The following DGKI variants were observed in gnomAD, a reference collection of about 807,000 sequenced individuals.
DGKI encodes the protein diacylglycerol kinase iota.
In DGKI, 55 loss-of-function variants were observed where a neutral mutation model predicts 147.5. That is an observed-to-expected ratio of 0.37 (90% confidence interval 0.30 to 0.47). DGKI has a LOEUF of 0.47. Among genes scored for constraint, DGKI ranks in the 20% least tolerant of loss-of-function variants. The probability of loss-of-function intolerance (pLI) is 1.00; values close to 1 mark genes in which losing one functional copy is unlikely to be tolerated. For missense variants in DGKI, 1,007 were observed against 1,323.8 expected, an observed-to-expected ratio of 0.76 and a Z score of 3.71; for synonymous variants, 469 against 477.1, an observed-to-expected ratio of 0.98 and a Z score of 0.22.
chr7:137,628,241 C>T lies in DGKI; in HGVS notation c.805-4687G>A, dbSNP rs547083107. Among the ~76,000 whole-genome samples, 24 of 152,210 alleles carry T rather than the reference C, an allele frequency of 1.6e-4. No individual in the cohort carries two copies. In the East Asian group the frequency reaches 2.3e-3, roughly 15 times the overall value. On this transcript the variant is annotated intron_variant, in intron 6 of 32. Transcript: ENST00000614521. The stretch of plus-strand genomic sequence containing the variant: ...TACACTGTGGTACTAACAGCCAGAC[C>T]GATACTAGAAACAAACAATAAGGCC...
intron 32 of DGKI, among the ~76,000 whole-genome samples, chr7:137,394,454 T>C (rs1811475787): frequency 6.6e-6 from 1 of 152,150 alleles, no homozygotes; most frequent in African/African-American, 2.4e-5. Context: ...TCTTTCTCTC[T>C]CTTCTTTCTT....
chr7:137,676,338 T>C (rs1235390207), intron 3 of DGKI, among the ~76,000 whole-genome samples: 2 of 152,228 alleles, frequency 1.3e-5, no homozygotes, highest in Non-Finnish European at 2.9e-5. Context: ...CTATTGGCAA[T>C]TGGTAGTTCT....
intron 30 of DGKI, among the ~76,000 whole-genome samples, chr7:137,405,534 G>A (rs907867433): frequency 1.3e-5 from 2 of 152,198 alleles, no homozygotes; most frequent in East Asian, 1.9e-4. Flanking sequence ...TGCAGAGACC[G>A]GGACATAAGG....
rs904010842 is a variant in DGKI at position 137,577,371 on chromosome 7, T to C, written c.1699-87A>G. 8.5e-6 allele frequency: 8 copies of C among 941,554 alleles called. No individual in the cohort carries two copies. In the South Asian group the frequency reaches 9.0e-5, roughly 11 times the overall value. 58.3% of individuals were successfully genotyped at this position (941,554 alleles called of 1,614,324 possible). On this transcript the variant is annotated intron_variant, in intron 16 of 32. Transcript: ENST00000614521. ...CTTCCATATCCTAGATTCCAAGGAT[T>C]CCAAAGTATGCAAAAATTCTAAACA...
At chr7:137,732,498 C>T (rs1048816406) in intron 1 of DGKI, among the ~76,000 whole-genome samples, 1 of 152,096 alleles carries the variant, frequency 6.6e-6, no homozygotes, top group Non-Finnish European at 1.5e-5. Flanking sequence ...GCAGCCCTAA[C>T]TGCCCTAAAC....
intron 1 of DGKI, among the ~76,000 whole-genome samples, chr7:137,793,056 T>C (rs1796906319): frequency 6.6e-6 from 1 of 152,270 alleles, no homozygotes; most frequent in Admixed American, 6.5e-5. Flanking sequence ...ATTATTGCTA[T>C]TGCATCAGAT....
intron 1 of DGKI, among the ~76,000 whole-genome samples, chr7:137,756,725 T>C (rs1026735917): frequency 1.3e-5 from 2 of 152,070 alleles, no homozygotes; most frequent in Non-Finnish European, 2.9e-5. Flanking sequence ...AAAAAAAAAA[T>C]TAGTTCCAAT....
intron 1 of DGKI, among the ~76,000 whole-genome samples, chr7:137,770,060 C>T (rs1265127438): frequency 6.6e-6 from 1 of 152,184 alleles, no homozygotes; most frequent in Non-Finnish European, 1.5e-5. Flanking sequence ...ATAGCAAAGA[C>T]TTAGAACCTA....
intron 27 of DGKI, among the ~76,000 whole-genome samples, chr7:137,450,723 G>A (rs143030908): frequency 0.012 from 1,793 of 151,312 alleles, 36 homozygotes; most frequent in African/African-American, 0.041. Context: ...ACTCTGTCTC[G>A]AAAAAATAAA....
At chr7:137,550,237 C>T (rs910220183) in intron 20 of DGKI, among the ~76,000 whole-genome samples, 2 of 149,996 alleles carry the variant, frequency 1.3e-5, no homozygotes, top group Non-Finnish European at 3.0e-5. Flanking sequence ...GTGATCTCGG[C>T]TCCATGAAAC....
intron 1 of DGKI, among the ~76,000 whole-genome samples, chr7:137,708,717 CA>C (rs1285235156): frequency 6.6e-6 from 1 of 152,066 alleles, no homozygotes; most frequent in Non-Finnish European, 1.5e-5. Flanking sequence ...AAAAACCAGA[CA>C]ATACATAAGT....
chr7:137,824,980 T>C (rs1463569388), intron 1 of DGKI, among the ~76,000 whole-genome samples: 1 of 152,218 alleles, frequency 6.6e-6, no homozygotes, highest in Non-Finnish European at 1.5e-5. Flanking sequence ...TTAGGTTGAT[T>C]CCATGTCTTT....
In DGKI at chr7:137,770,019, C is replaced by T. The variant is rs180786186; in HGVS notation, c.401+76443G>A. 8.9e-4 allele frequency among the ~76,000 whole-genome samples: 136 copies of T among 152,282 alleles called. 1 individual carries two copies. The highest frequency in any genetic ancestry group is 1.6e-3 in the Non-Finnish European group (112 of 68,036). On this transcript the variant is annotated intron_variant, in intron 1 of 32. Transcript: ENST00000614521. ...AATCATTGTTCTATAAAGACACATG[C>T]GTATGTATGTTTACCGCAGCACTAT...
chr7:137,646,115 A>T (rs1474710369), intron 5 of DGKI, among the ~76,000 whole-genome samples: 1 of 152,226 alleles, frequency 6.6e-6, no homozygotes, highest in Non-Finnish European at 1.5e-5. Context: ...TGAAGGGGAG[A>T]AGCTGAAACA....
At chr7:137,493,795 G>A in intron 21 of DGKI, 2 of 701,992 alleles carry the variant, frequency 2.8e-6, no homozygotes, top group South Asian at 3.0e-5. Flanking sequence ...CCAAATGACT[G>A]CACTAGTTCC....
chr7:137,536,344 C>T (rs1487661142), intron 20 of DGKI, among the ~76,000 whole-genome samples: 1 of 152,118 alleles, frequency 6.6e-6, no homozygotes, highest in Non-Finnish European at 1.5e-5. Context: ...AATTTGATCA[C>T]AGAGCAAGGT....
intron 1 of DGKI, among the ~76,000 whole-genome samples, chr7:137,730,524 C>T (rs996386055): frequency 6.6e-6 from 1 of 152,152 alleles, no homozygotes; most frequent in East Asian, 1.9e-4. Context: ...CTAATCCATC[C>T]TTCCCAAAAT....
intron 30 of DGKI, among the ~76,000 whole-genome samples, chr7:137,406,202 C>T (rs1811941257): frequency 6.6e-6 from 1 of 152,072 alleles, no homozygotes; most frequent in Non-Finnish European, 1.5e-5. Context: ...TAAACCTGAG[C>T]TAAACAAAAA....
chr7:137,713,521 G>A (rs2116577085), intron 1 of DGKI, among the ~76,000 whole-genome samples: 1 of 152,248 alleles, frequency 6.6e-6, no homozygotes, highest in Middle Eastern at 3.4e-3. Context: ...ACTCATGCTA[G>A]CTCTTTATGA....
Sources: gnomAD v4.1 joint callset for allele counts (sites outside exome capture counted in the v4.1 genomes callset) on GRCh38, gnomAD v4.1.1 for gene constraint, MANE v1.5 for transcripts, NCBI Gene and HGNC (gene_info 2026-07-23, HGNC 2026-07-21) for gene names.